Variants in FOXP2 observed in about 807,000 individuals in gnomAD.
FOXP2 encodes forkhead box P2.
In FOXP2, 12 loss-of-function variants were observed where a neutral mutation model predicts 115.8. That is an observed-to-expected ratio of 0.10 (90% CI 0.07 to 0.17). The LOEUF is 0.17. Ranked by LOEUF, FOXP2 falls within the 10% of genes least tolerant of loss-of-function variation. The pLI is 1.00. For synonymous variants in FOXP2, 328 were observed against 297.7 expected (o/e 1.10, Z -1.05); for missense variants, 629 against 843.5 (o/e 0.75, Z 3.15).
At chr7:114,496,180 T>C (rs911232565) in intron 2 of FOXP2, among the ~76,000 whole-genome samples, 15 of 152,166 alleles carry the variant, frequency 9.9e-5, no homozygotes, top group African/African-American at 3.1e-4. Flanking sequence ...TAATAGCTAC[T>C]GTTTTGAAAA....
intron 2 of FOXP2, among the ~76,000 whole-genome samples, chr7:114,294,641 G>T (rs533358093): frequency 2.8e-4 from 42 of 152,158 alleles, no homozygotes; most frequent in African/African-American, 9.9e-4. Context: ...AGGAGTTAGA[G>T]ACCAGCCTGA....
In FOXP2 at chr7:114,453,671, C is replaced by T. The variant is rs145317535; in HGVS notation, c.168+26992C>T. On this transcript the variant is annotated intron_variant, in intron 2 of 16. Coordinates refer to ENST00000350908, the MANE Select transcript of FOXP2 (RefSeq NM_014491.4). ...CCTTGCTTTCTTTGGCAGCATTTGT[C>T]CCCGATTCTCATTCTGCCTCTCTAT... Among the ~76,000 whole-genome samples, 484 of 152,062 alleles carry T rather than the reference C, an allele frequency of 3.2e-3. 4 individuals are homozygous for T. Among genetic ancestry groups the T allele is most frequent in the African/African-American group, 0.011 (464 of 41,498 alleles).
At chr7:114,337,411 C>A (rs374445005) in intron 2 of FOXP2, among the ~76,000 whole-genome samples, 1 of 150,902 alleles carries the variant, frequency 6.6e-6, no homozygotes, top group African/African-American at 2.4e-5. Flanking sequence ...TTACTATGAG[C>A]GATTCAACTA....
chr7:114,568,413 T>C (rs1563004779), intron 3 of FOXP2, among the ~76,000 whole-genome samples: 5 of 149,498 alleles, frequency 3.3e-5, no homozygotes, highest in African/African-American at 9.8e-5. Context: ...AGGTTCTTCA[T>C]GGTCTTGTGG....
At chr7:114,404,021 C>T (rs1215491670) in intron 2 of FOXP2, among the ~76,000 whole-genome samples, 1 of 152,100 alleles carries the variant, frequency 6.6e-6, no homozygotes. Context: ...CCTTGGAGGG[C>T]AGTGTAAATT....
chr7:114,559,404 G>A (rs1011376815), intron 3 of FOXP2, among the ~76,000 whole-genome samples: 11 of 152,052 alleles, frequency 7.2e-5, no homozygotes, highest in African/African-American at 2.4e-4. Flanking sequence ...GATAAGAGGT[G>A]TCCATATCCT....
intron 1 of FOXP2, among the ~76,000 whole-genome samples, chr7:114,176,226 CT>C (rs1562992711): frequency 1.8e-4 from 26 of 147,188 alleles, no homozygotes; most frequent in African/African-American, 5.8e-4. Context: ...CTTGTCTTGT[CT>C]TGTCTTTTCT....
At chr7:114,575,135 A>G (rs1156373288) in intron 3 of FOXP2, among the ~76,000 whole-genome samples, 3 of 151,846 alleles carry the variant, frequency 2.0e-5, no homozygotes, top group Non-Finnish European at 2.9e-5. Flanking sequence ...GGGCTCTACA[A>G]TCAGCTTTCT....
chr7:114,193,763 T>G (rs973569981), intron 1 of FOXP2, among the ~76,000 whole-genome samples: 5 of 152,140 alleles, frequency 3.3e-5, no homozygotes, highest in Non-Finnish European at 2.9e-5. Context: ...TGACTCTACT[T>G]GTAATTCAGT....
At chr7:114,122,320 T>A (rs958301367) in intron 1 of FOXP2, among the ~76,000 whole-genome samples, 1 of 151,912 alleles carries the variant, frequency 6.6e-6, no homozygotes, top group African/African-American at 2.4e-5. Flanking sequence ...AGTTTTTAAG[T>A]CCCCTTAAAA....
chr7:114,166,841 C>G (rs1382543349), intron 1 of FOXP2, among the ~76,000 whole-genome samples: 1 of 152,188 alleles, frequency 6.6e-6, no homozygotes, highest in Non-Finnish European at 1.5e-5. Flanking sequence ...TATTGTATGT[C>G]ATTAGCTAAT....
At chr7:114,134,700 G>A (rs1055363352) in intron 1 of FOXP2, among the ~76,000 whole-genome samples, 3 of 117,570 alleles carry the variant, frequency 2.6e-5, no homozygotes, top group Admixed American at 9.2e-5. Context: ...GCGACAGAGC[G>A]AGACTCCGTC....
chr7:114,507,866 G>A lies in FOXP2; in HGVS notation c.169-26751G>A, dbSNP rs143046916. 4.1e-3 allele frequency among the ~76,000 whole-genome samples: 622 copies of A among 152,020 alleles called. 7 individuals carry two copies. Among genetic ancestry groups the A allele is most frequent in the Middle Eastern group, 6.8e-3 (2 of 294 alleles). The stretch of plus-strand genomic sequence containing the variant: ...ACATTATCTTCTCTAATATAGTCAT[G>A]TTTGTTAGTAAGGAAGAAGGAGGCA... On this transcript the variant is annotated intron_variant, in intron 2 of 16. Transcript: ENST00000350908.
chr7:114,243,798 T>G (rs1795210966), intron 1 of FOXP2, among the ~76,000 whole-genome samples: 3 of 152,148 alleles, frequency 2.0e-5, no homozygotes, highest in African/African-American at 7.2e-5. Flanking sequence ...GCTCTTCTGG[T>G]ATGTTTGGAC....
chr7:114,100,679 C>T (rs993209486), intron 1 of FOXP2, among the ~76,000 whole-genome samples: 3 of 152,030 alleles, frequency 2.0e-5, no homozygotes, highest in African/African-American at 4.8e-5. Context: ...TTGAGCAAAA[C>T]GTGGTTAAGA....
chr7:114,358,016 G>C (rs1235544454), intron 2 of FOXP2, among the ~76,000 whole-genome samples: 3 of 152,096 alleles, frequency 2.0e-5, no homozygotes, highest in Non-Finnish European at 4.4e-5. Flanking sequence ...TGTTTTGGCT[G>C]TGTCACCACC....
intron 1 of FOXP2, among the ~76,000 whole-genome samples, chr7:114,240,710 C>A (rs1562831431): frequency 6.6e-6 from 1 of 151,758 alleles, no homozygotes; most frequent in South Asian, 2.1e-4. Flanking sequence ...AAAAAAAACC[C>A]TATTTCAAAG....
chr7:114,337,550 A>AT (rs1427744372), intron 2 of FOXP2, among the ~76,000 whole-genome samples: 9 of 151,124 alleles, frequency 6.0e-5, no homozygotes, highest in Admixed American at 2.0e-4. Context: ...TCTTATTTTT[A>AT]TTTTTGCATA....
chr7:114,631,386 C>T, intron 5 of FOXP2, 142 bp from the exon 6 acceptor site: 1 of 1,384,598 alleles, frequency 7.2e-7, no homozygotes, highest in Non-Finnish European at 9.9e-7. Flanking sequence ...AGAACTTACT[C>T]ACATTCTGCC....
Sources: allele counts gnomAD v4.1 joint callset (sites outside exome capture counted in the v4.1 genomes callset), GRCh38; gene constraint gnomAD v4.1.1; transcripts MANE v1.5; gene names NCBI Gene and HGNC (gene_info 2026-07-23, HGNC 2026-07-21).